DYRK1A: variants seen among roughly 807,000 people sequenced by gnomAD.
DYRK1A encodes dual specificity tyrosine-phosphorylation-regulated kinase 1A.
A neutral mutation model predicts 79.7 loss-of-function variants in DYRK1A; 9 were observed. The observed-to-expected ratio is 0.11, with a 90% confidence interval of 0.07 to 0.20. The LOEUF (loss-of-function observed/expected upper bound fraction) is 0.20, where lower values mean the gene tolerates loss of function less well. Ranked by LOEUF, DYRK1A falls within the 10% of genes least tolerant of loss-of-function variation. DYRK1A has a pLI of 1.00. For synonymous variants in DYRK1A, 349 were observed against 329.7 expected, an observed-to-expected ratio of 1.06 and a Z score of -0.63; for missense variants, 622 against 956.0, an observed-to-expected ratio of 0.65 and a Z score of 4.61.
chr21:37,442,429 T>G (rs2051136290), intron 2 of DYRK1A, among the ~76,000 whole-genome samples: 2 of 152,224 alleles, frequency 1.3e-5, no homozygotes, highest in Non-Finnish European at 2.9e-5. Flanking sequence ...TTTCAGTTGT[T>G]GAGTACTCAT....
Position 37,513,876 on chromosome 21 carries a change from G to A in DYRK1A, c.*1345G>A, listed in dbSNP as rs553459342. The A allele has an allele frequency of 1.3e-5, 2 of 152,656 alleles. No individual in the cohort carries two copies. The highest frequency in any genetic ancestry group is 1.9e-4 in the East Asian group (1 of 5,188). 9.5% of individuals were successfully genotyped at this position (152,656 alleles called of 1,614,324 possible). On this transcript the variant is annotated 3_prime_UTR_variant, in exon 12 of 12. Transcript: ENST00000647188. ...CTGTAACCAATAATGTAGCAGTTCT[G>A]CACTTTGACACAAGGTGTAACTAGA...
Position 37,496,646 on chromosome 21 carries a change from AT to A in DYRK1A, c.1212+400del, listed in dbSNP as rs532759831. ...ACAGAAGTCACAATTGGAGTAAATG[AT>A]TTTTTTTTTTTAAGTTCAGTTGGTA... On this transcript the variant is annotated intron_variant, in intron 9 of 11. Transcript: ENST00000647188. 7.7e-3 allele frequency among the ~76,000 whole-genome samples: 1,129 copies of A among 147,116 alleles called. 6 individuals are homozygous for A. The highest frequency in any genetic ancestry group is 0.01 in the African/African-American group (409 of 40,388).
At chr21:37,494,639 A>G (rs896252025) in intron 8 of DYRK1A, among the ~76,000 whole-genome samples, 15 of 152,012 alleles carry the variant, frequency 9.9e-5, no homozygotes, top group Non-Finnish European at 5.9e-5. Flanking sequence ...AGCATCTGAC[A>G]TCATGTATTT....
chr21:37,444,229 C>T (rs2051194974), intron 2 of DYRK1A, among the ~76,000 whole-genome samples: 2 of 152,206 alleles, frequency 1.3e-5, no homozygotes, highest in South Asian at 2.1e-4. Context: ...ATTTGTCCCA[C>T]TTCTTTCACT....
chr21:37,383,832 G>GGTGTGTGTGTGTGTGT (rs534518893), intron 1 of DYRK1A, among the ~76,000 whole-genome samples: 3 of 115,480 alleles, frequency 2.6e-5, no homozygotes, highest in Admixed American at 8.2e-5. Flanking sequence ...GATAGGTAAT[G>GGTGTGTGTGTGTGTGT]GTGTATGTGT....
intron 2 of DYRK1A, among the ~76,000 whole-genome samples, chr21:37,465,318 G>A (rs56370203): frequency 3.9e-5 from 6 of 152,076 alleles, no homozygotes; most frequent in African/African-American, 9.7e-5. Flanking sequence ...GCATATCACC[G>A]TTATGCATGG....
chr21:37,416,427 CT>C (rs2050342797), intron 1 of DYRK1A, among the ~76,000 whole-genome samples: 1 of 142,008 alleles, frequency 7.0e-6, no homozygotes, highest in Non-Finnish European at 1.5e-5. Flanking sequence ...TATATAACTG[CT>C]TTTTCTCTGT....
At chr21:37,476,852 G>T (rs2052416401) in intron 3 of DYRK1A, among the ~76,000 whole-genome samples, 1 of 135,518 alleles carries the variant, frequency 7.4e-6, no homozygotes, top group Non-Finnish European at 1.5e-5. Flanking sequence ...GAATTAAGAA[G>T]CACAGGACTT....
intron 8 of DYRK1A, 86 bp downstream of exon 8, chr21:37,493,249 T>C (rs2053157086): frequency 1.5e-6 from 2 of 1,349,624 alleles, no homozygotes; most frequent in Non-Finnish European, 2.0e-6. Context: ...AAGTTGTTTT[T>C]AGGCAAAGAT....
intron 1 of DYRK1A, among the ~76,000 whole-genome samples, chr21:37,416,457 T>C (rs2050343287): frequency 6.6e-6 from 1 of 151,908 alleles, no homozygotes. Flanking sequence ...TTGATCATCT[T>C]ATTGGAAATA....
At chr21:37,461,061 C>A (rs925899198) in intron 2 of DYRK1A, among the ~76,000 whole-genome samples, 1 of 152,016 alleles carries the variant, frequency 6.6e-6, no homozygotes, top group African/African-American at 2.4e-5. Context: ...GGTAAGGGCC[C>A]TTTTACTGTA....
intron 2 of DYRK1A, among the ~76,000 whole-genome samples, chr21:37,464,570 A>G (rs907700541): frequency 2.0e-5 from 3 of 152,218 alleles, no homozygotes; most frequent in Non-Finnish European, 4.4e-5. Flanking sequence ...ATAGCTTTGA[A>G]TTATTTGTTA....
intron 9 of DYRK1A, 37 bp from the exon 10 acceptor site, chr21:37,505,246 C>A: frequency 6.5e-7 from 1 of 1,528,194 alleles, no homozygotes; most frequent in South Asian, 1.2e-5. Flanking sequence ...CGTATTCCAC[C>A]AAATTTAGAG....
At chr21:37,463,057 A>C (rs1443117859) in intron 2 of DYRK1A, among the ~76,000 whole-genome samples, 1 of 152,168 alleles carries the variant, frequency 6.6e-6, no homozygotes, top group African/African-American at 2.4e-5. Context: ...GATTCAGTTA[A>C]TCTTTCATGC....
intron 1 of DYRK1A, among the ~76,000 whole-genome samples, chr21:37,374,152 G>A (rs1272909250): frequency 6.6e-6 from 1 of 151,932 alleles, no homozygotes; most frequent in Admixed American, 6.6e-5. Context: ...TATCACGTAA[G>A]CAATATTTGA....
At chr21:37,507,576 C>G (rs139594660) in intron 11 of DYRK1A, among the ~76,000 whole-genome samples, 2 of 152,280 alleles carry the variant, frequency 1.3e-5, no homozygotes, top group African/African-American at 4.8e-5. Flanking sequence ...TTTCTGCATT[C>G]TACAACTTCA....
chr21:37,503,559 C>T (rs1281571924), intron 9 of DYRK1A: 1 of 152,140 alleles, frequency 6.6e-6, no homozygotes, highest in Admixed American at 6.5e-5. Flanking sequence ...GAAGCTCGGA[C>T]TACAGGAGTG....
intron 2 of DYRK1A, among the ~76,000 whole-genome samples, chr21:37,424,965 CTT>C (rs1363295565): frequency 6.6e-6 from 1 of 152,144 alleles, no homozygotes; most frequent in Non-Finnish European, 1.5e-5. Flanking sequence ...AGAAGAATCT[CTT>C]ATTTTGGAAC....
In DYRK1A at chr21:37,517,606, G is replaced by A. The variant is rs1352068772; in HGVS notation, c.*5075G>A. The A allele has an allele frequency of 6.6e-6, 1 of 152,370 alleles. No individual in the cohort carries two copies. The allele number at this position is 152,370 out of a possible 1,614,324, so 9.4% of individuals were successfully genotyped here. ...ATAAAGTGGCAGGCACTGGGTGTGTGTGGTAGTTCTGCACTAGGGTGGCCA... is the reference window on the plus strand; with the variant it reads ...ATAAAGTGGCAGGCACTGGGTGTGTATGGTAGTTCTGCACTAGGGTGGCCA... On this transcript the variant is annotated 3_prime_UTR_variant, in exon 12 of 12. Transcript: ENST00000647188.
Sources: gnomAD v4.1 joint callset for allele counts (sites outside exome capture counted in the v4.1 genomes callset) on GRCh38, gnomAD v4.1.1 for gene constraint, MANE v1.5 for transcripts, NCBI Gene and HGNC (gene_info 2026-07-23, HGNC 2026-07-21) for gene names.